The following PPFIBP2 variants were observed in gnomAD, a reference collection of about 807,000 sequenced individuals.
PPFIBP2 encodes the protein PPFIB scaffold protein 2.
In PPFIBP2, 118 loss-of-function variants were observed where a neutral mutation model predicts 118.3. The observed-to-expected ratio is 1.00, with a 90% CI of 0.86 to 1.16. PPFIBP2 has a LOEUF of 1.16. PPFIBP2 is among the 50% of genes most tolerant of loss of function. The pLI, the probability that PPFIBP2 is intolerant of heterozygous loss-of-function variation, is 0.00. For synonymous variants in PPFIBP2, 414 were observed against 397.4 expected (o/e 1.04, Z -0.50); for missense variants, 1,195 against 1,073.1 (o/e 1.11, Z -1.59).
At position 7,625,842 on chromosome 11, in the gene PPFIBP2, C is replaced by G. The variant is rs756604921; in HGVS notation, c.777C>G (p.Ser259Arg). The G allele has an allele frequency of 4.3e-6, 7 of 1,614,086 alleles. No individual in the cohort carries two copies. Among genetic ancestry groups the G allele is most frequent in the Non-Finnish European group, 5.1e-6 (6 of 1,180,036 alleles). Residue 259 changes from serine (S) to arginine (R), a missense_variant, in exon 8 of 24, where the codon AGC becomes AGG. Physicochemically the swap from Ser to Arg is moderately radical, Grantham distance 110. Coordinates refer to ENST00000299492, the MANE Select transcript of PPFIBP2 (RefSeq NM_003621.5). ...ATGCAGAAATTGAGCGTCTGCACAG[C>G]CAGCTCTCCCGGACAGCAGCTCTCC... Reference protein sequence around the residue: ...LKDAEIERLHSQLSRTAALHS... With the variant: ...LKDAEIERLHRQLSRTAALHS...
downstream of PPFIBP2, among the ~76,000 whole-genome samples, chr11:7,661,019 C>G (rs75250135): frequency 0.54 from 80,405 of 149,866 alleles, 22,973 homozygotes; most frequent in Non-Finnish European, 0.65. Flanking sequence ...TTTATTGTGT[C>G]TATTTGATTC....
At position 7,613,631 on chromosome 11, in the gene PPFIBP2, T is replaced by TG. The variant is rs546973152; in HGVS notation, c.618+3210dup. Among the ~76,000 whole-genome samples the TG allele has an allele frequency of 1.8e-3, 281 of 152,210 alleles. 3 individuals carry two copies. The highest frequency in any genetic ancestry group is 6.6e-3 in the African/African-American group (274 of 41,512). ...ATACCAAAATCAAGAGGATGAAGCA[T>TG]GAAAGAAAGAGATCCAGAGGTAAAG... On this transcript the variant is annotated intron_variant, in intron 6 of 23. Coordinates refer to ENST00000299492, the MANE Select transcript of PPFIBP2 (RefSeq NM_003621.5).
intron 2 of PPFIBP2, among the ~76,000 whole-genome samples, chr11:7,559,928 T>A (rs1421857790): frequency 6.6e-6 from 1 of 152,154 alleles, no homozygotes; most frequent in East Asian, 1.9e-4. Flanking sequence ...TGTTAAAAAA[T>A]AAAATAAAAT....
At chr11:7,571,368 A>G (rs975186196) in intron 3 of PPFIBP2, among the ~76,000 whole-genome samples, 4 of 151,988 alleles carry the variant, frequency 2.6e-5, no homozygotes, top group African/African-American at 9.7e-5. Flanking sequence ...GCAATCTTTC[A>G]TTCTGTCCAA....
rs944757788 is a variant in PPFIBP2, at chr11:7,653,630, C to T, written c.*412C>T. On this transcript the variant is annotated 3_prime_UTR_variant, in exon 24 of 24. Coordinates refer to ENST00000299492, the MANE Select transcript of PPFIBP2 (RefSeq NM_003621.5). ...TCAAGTGCCTTAGGCCCGTGGACCA[C>T]AGTCTTGGCTGAGATCAAAGGGATG... 3.1e-6 allele frequency: 4 copies of T among 1,294,784 alleles called. No homozygotes were observed. Among genetic ancestry groups the T allele is most frequent in the Non-Finnish European group, 4.0e-6 (4 of 992,656 alleles). 80.2% of individuals were successfully genotyped at this position (1,294,784 alleles called of 1,614,324 possible).
chr11:7,580,801 T>C lies in PPFIBP2; in HGVS notation c.280-12331T>C, dbSNP rs183896278. ...TGAGGACTCAGTAAGATAGTACGATTAGTGCAGTATCATGCATGTAGGAAA... is the reference window on the plus strand; with the variant it reads ...TGAGGACTCAGTAAGATAGTACGATCAGTGCAGTATCATGCATGTAGGAAA... On this transcript the variant is annotated intron_variant, in intron 3 of 23. Coordinates refer to ENST00000299492, the MANE Select transcript of PPFIBP2 (RefSeq NM_003621.5). Among the ~76,000 whole-genome samples, 310 of 152,324 alleles carry C rather than the reference T, an allele frequency of 2.0e-3. 4 individuals carry two copies. The highest frequency in any genetic ancestry group is 7.3e-3 in the African/African-American group (303 of 41,570).
intron 2 of PPFIBP2, among the ~76,000 whole-genome samples, chr11:7,550,203 G>A (rs182973845): frequency 8.1e-4 from 123 of 152,264 alleles, no homozygotes; most frequent in Non-Finnish European, 1.5e-3. Flanking sequence ...ACGTTTTGTT[G>A]GAAATCTTTC....
Position 7,625,831 on chromosome 11 carries a change from C to T in PPFIBP2, c.766C>T (p.Arg256Cys), listed in dbSNP as rs376707389. 4.3e-6 allele frequency: 7 copies of T among 1,614,106 alleles called. No individual in the cohort carries two copies. Among genetic ancestry groups the T allele is most frequent in the African/African-American group, 4.0e-5 (3 of 74,946 alleles). ...GGCCCTGAAAGATGCAGAAATTGAGCGTCTGCACAGCCAGCTCTCCCGGAC... is the reference window on the plus strand; with the variant it reads ...GGCCCTGAAAGATGCAGAAATTGAGTGTCTGCACAGCCAGCTCTCCCGGAC... ...QVALKDAEIE[R>C]LHSQLSRTAA... Residue 256 changes from arginine (R) to cysteine (C), a missense_variant, in exon 8 of 24, where the codon CGT becomes TGT. Coordinates refer to ENST00000299492, the MANE Select transcript of PPFIBP2 (RefSeq NM_003621.5).
rs200020686 is a variant in PPFIBP2 at position 7,653,194 on chromosome 11, G to A, written c.2607G>A (p.Leu869=). The A allele has an allele frequency of 6.2e-7, 1 of 1,614,184 alleles. No individual in the cohort carries two copies. Among genetic ancestry groups the A allele is most frequent in the African/African-American group, 1.3e-5 (1 of 75,062 alleles). The change falls in exon 24 of 24, where the codon CTG becomes CTA. Residue 869 remains leucine (L), a synonymous_variant. Coordinates refer to ENST00000299492, the MANE Select transcript of PPFIBP2 (RefSeq NM_003621.5). ...TTGATGCCCCTGAACTGGATGGGCT[G>A]GACCAGGTGGGACAGATTAGCTGAT... The part of the protein sequence containing the change: ...SPLDAPELDG[L]DQVGQIS
intron 4 of PPFIBP2, among the ~76,000 whole-genome samples, chr11:7,594,602 T>A (rs1031059164): frequency 5.3e-5 from 8 of 151,478 alleles, no homozygotes; most frequent in Non-Finnish European, 1.0e-4. Context: ...ACCAGCATGG[T>A]GAAACCCTGT....
intron 6 of PPFIBP2, among the ~76,000 whole-genome samples, chr11:7,614,944 A>G (rs1848463212): frequency 6.6e-6 from 1 of 152,232 alleles, no homozygotes; most frequent in Non-Finnish European, 1.5e-5. Flanking sequence ...CCTAGACATC[A>G]TGATGTGGAA....
chr11:7,518,968 G>C (rs973401751), intron 1 of PPFIBP2, among the ~76,000 whole-genome samples: 4 of 152,162 alleles, frequency 2.6e-5, no homozygotes, highest in African/African-American at 9.7e-5. Flanking sequence ...AGGACAGATA[G>C]GGGCGTAAGG....
intron 2 of PPFIBP2, among the ~76,000 whole-genome samples, chr11:7,560,325 G>T (rs10769807): frequency 0.52 from 78,333 of 152,002 alleles, 22,011 homozygotes; most frequent in African/African-American, 0.75. Context: ...CTCTCACTTA[G>T]AGTCAACAAA....
At chr11:7,605,856 G>A (rs979483485) in intron 5 of PPFIBP2, 24 of 1,446,498 alleles carry the variant, frequency 1.7e-5, no homozygotes, top group African/African-American at 4.3e-5. Flanking sequence ...CTGGATACAC[G>A]TGAGATCCAA....
intron 1 of PPFIBP2, among the ~76,000 whole-genome samples, chr11:7,517,059 G>A (rs888674334): frequency 2.0e-5 from 3 of 152,152 alleles, no homozygotes; most frequent in African/African-American, 4.8e-5. Flanking sequence ...CCATCGTGTC[G>A]TTGTAGCAGG....
rs569898478 is a variant in PPFIBP2, at chr11:7,635,595, T to C, written c.1236+2T>C. 10 of 1,605,890 alleles carry C rather than the reference T, an allele frequency of 6.2e-6. No homozygotes were observed. Among genetic ancestry groups the C allele is most frequent in the South Asian group, 4.4e-5 (4 of 90,938 alleles). ...CCCTTCCCGGTGTTAGAACCCAAGGTACATTGACTTCGTGCCCCGTCGTCT... is the reference window on the plus strand; with the variant it reads ...CCCTTCCCGGTGTTAGAACCCAAGGCACATTGACTTCGTGCCCCGTCGTCT... On this transcript the variant is annotated splice_donor_variant, in intron 14 of 23. Transcript: ENST00000299492. LOFTEE classifies it high-confidence loss of function.
At chr11:7,660,839 C>T (rs7941268), downstream of PPFIBP2, among the ~76,000 whole-genome samples, 109,109 of 150,710 alleles carry the variant, frequency 0.72, 39,809 homozygotes, top group Non-Finnish European at 0.77. Flanking sequence ...GTTATTGGTG[C>T]ATTCAGAGAT....
At chr11:7,518,870 G>A (rs373272611) in intron 1 of PPFIBP2, among the ~76,000 whole-genome samples, 1 of 152,244 alleles carries the variant, frequency 6.6e-6, no homozygotes, top group Non-Finnish European at 1.5e-5. Flanking sequence ...GCGCTCGAGC[G>A]AGTATGGGCG....
At chr11:7,559,605 A>C (rs886876944) in intron 2 of PPFIBP2, among the ~76,000 whole-genome samples, 44 of 152,032 alleles carry the variant, frequency 2.9e-4, no homozygotes, top group Admixed American at 2.9e-3. Context: ...GGGAGGGTGT[A>C]TATGTGTGGT....
Sources: gnomAD v4.1 joint callset for allele counts (sites outside exome capture counted in the v4.1 genomes callset) on GRCh38, gnomAD v4.1.1 for gene constraint, MANE v1.5 for transcripts, NCBI Gene and HGNC (gene_info 2026-07-23, HGNC 2026-07-21) for gene names.